The following CNTN5 variants were observed in gnomAD, a reference collection of about 807,000 sequenced individuals.
CNTN5 encodes the protein contactin-5.
A neutral mutation model predicts 129.1 loss-of-function variants in CNTN5; 77 were observed. That is an observed-to-expected ratio of 0.60 (90% confidence interval 0.50 to 0.72). CNTN5 has a LOEUF of 0.72. Ranked by LOEUF, CNTN5 falls within the 30% of genes least tolerant of loss-of-function variation. CNTN5 has a pLI of 0.00. For missense variants in CNTN5, 1,478 were observed against 1,328.8 expected (o/e 1.11, Z -1.75); for synonymous variants, 509 against 465.6 (o/e 1.09, Z -1.20).
intron 2 of CNTN5, among the ~76,000 whole-genome samples, chr11:99,532,532 T>A (rs1591231835): frequency 6.6e-6 from 1 of 152,246 alleles, no homozygotes; most frequent in East Asian, 1.9e-4. Context: ...TGGCCATGTC[T>A]CCACTCAAAT....
rs369490080 is a variant in CNTN5 at position 99,580,421 on chromosome 11, G to T, written c.55+24152G>T. Among the ~76,000 whole-genome samples the T allele has an allele frequency of 4.3e-4, 65 of 152,244 alleles. No homozygotes were observed. The East Asian group carries it at 6.8e-3, about 16-fold the overall frequency. ...GAAGGAATGGTACCAGCTCTTCCTT[G>T]TACCTCTGGTAGAATTTGACTGTGA... is the stretch of plus-strand genomic sequence containing the variant. On this transcript the variant is annotated intron_variant, in intron 3 of 24. Coordinates refer to ENST00000524871, the MANE Select transcript of CNTN5 (RefSeq NM_014361.4).
At chr11:100,316,520 C>T (rs1271513709) in intron 21 of CNTN5, among the ~76,000 whole-genome samples, 1 of 152,160 alleles carries the variant, frequency 6.6e-6, no homozygotes, top group Non-Finnish European at 1.5e-5. Flanking sequence ...GTGAATAAAT[C>T]TGTGCCAATG....
At chr11:99,694,551 G>A (rs1309684449) in intron 3 of CNTN5, among the ~76,000 whole-genome samples, 1 of 151,946 alleles carries the variant, frequency 6.6e-6, no homozygotes, top group Non-Finnish European at 1.5e-5. Context: ...TTAAGTTCTG[G>A]GACACATGTG....
intron 3 of CNTN5, among the ~76,000 whole-genome samples, chr11:99,609,433 C>T (rs1950530463): frequency 6.6e-6 from 1 of 152,098 alleles, no homozygotes; most frequent in African/African-American, 2.4e-5. Context: ...AAGACCCCAC[C>T]TGTCTAGGTT....
chr11:99,934,898 G>GTATATA (rs200635742), intron 7 of CNTN5, among the ~76,000 whole-genome samples: 3 of 67,956 alleles, frequency 4.4e-5, no homozygotes, highest in African/African-American at 3.0e-4. Flanking sequence ...GTGTGTGTGT[G>GTATATA]TATATATATA....
intron 23 of CNTN5, among the ~76,000 whole-genome samples, chr11:100,349,158 G>A (rs750691585): frequency 6.6e-6 from 1 of 151,860 alleles, no homozygotes; most frequent in Non-Finnish European, 1.5e-5. Context: ...AAAAAAGAAA[G>A]TGAAATGGAG....
chr11:99,061,991 CA>C (rs34784983), intron 1 of CNTN5, among the ~76,000 whole-genome samples: 62,693 of 142,596 alleles, frequency 0.44, 13,348 homozygotes, highest in Non-Finnish European at 0.49. Context: ...GATCCTGTCT[CA>C]AAAAAAAAAA....
chr11:100,284,344 A>G (rs906030236), intron 18 of CNTN5, among the ~76,000 whole-genome samples: 9 of 152,218 alleles, frequency 5.9e-5, no homozygotes, highest in African/African-American at 2.2e-4. Context: ...ACCATCTCCT[A>G]TATTTAAGCT....
chr11:99,555,464 C>G (rs755235877), intron 2 of CNTN5, among the ~76,000 whole-genome samples: 1 of 151,784 alleles, frequency 6.6e-6, no homozygotes, highest in East Asian at 1.9e-4. Context: ...AAAAAAGGAA[C>G]CAAATATATT....
At chr11:99,161,216 C>A (rs543884648) in intron 1 of CNTN5, among the ~76,000 whole-genome samples, 1 of 152,126 alleles carries the variant, frequency 6.6e-6, no homozygotes, top group East Asian at 1.9e-4. Flanking sequence ...TATAAAAAAT[C>A]TTGAAATATA....
rs543213768 is a variant in CNTN5 at position 99,257,015 on chromosome 11, G to A, written c.-209-68331G>A. Among the ~76,000 whole-genome samples, 5 of 152,168 alleles carry A rather than the reference G, an allele frequency of 3.3e-5. No individual in the cohort carries two copies. In the East Asian group the frequency reaches 9.7e-4, roughly 29 times the overall value. On this transcript the variant is annotated intron_variant, in intron 1 of 24. Transcript: ENST00000524871. ...AAAAATAATACTGATTAAGCTCTTT[G>A]CCCAAATCATTCAGATGCCAAATGA...
intron 9 of CNTN5, among the ~76,000 whole-genome samples, chr11:100,060,400 AATAAC>A (rs1243749499): frequency 6.6e-6 from 1 of 152,048 alleles, no homozygotes; most frequent in Non-Finnish European, 1.5e-5. Context: ...ATATTTAAAA[AATAAC>A]AAAACAGAAA....
At chr11:99,142,768 G>A (rs1165451932) in intron 1 of CNTN5, among the ~76,000 whole-genome samples, 1 of 152,172 alleles carries the variant, frequency 6.6e-6, no homozygotes, top group African/African-American at 2.4e-5. Context: ...ACAGGCTAGA[G>A]TCCTGTCCCT....
At chr11:99,303,051 C>T (rs1286943750) in intron 1 of CNTN5, among the ~76,000 whole-genome samples, 1 of 151,592 alleles carries the variant, frequency 6.6e-6, no homozygotes, top group Admixed American at 6.6e-5. Context: ...ATAAAACACA[C>T]AAAATTATAT....
chr11:99,205,464 C>T (rs968240590), intron 1 of CNTN5, among the ~76,000 whole-genome samples: 48 of 152,030 alleles, frequency 3.2e-4, no homozygotes, highest in African/African-American at 1.1e-3. Context: ...TTCGTTTCTT[C>T]CTCGGTTTTC....
At chr11:99,973,511 C>G (rs900609340) in intron 8 of CNTN5, among the ~76,000 whole-genome samples, 2 of 152,096 alleles carry the variant, frequency 1.3e-5, no homozygotes, top group African/African-American at 4.8e-5. Flanking sequence ...CTTGCATTGC[C>G]ATTCTTAATA....
intron 8 of CNTN5, among the ~76,000 whole-genome samples, chr11:99,982,460 G>A (rs1462833643): frequency 1.3e-5 from 2 of 152,068 alleles, no homozygotes; most frequent in East Asian, 1.9e-4. Context: ...GGTAGTGAAG[G>A]TTTTAATTAG....
At chr11:99,180,965 T>C (rs544083221) in intron 1 of CNTN5, among the ~76,000 whole-genome samples, 46 of 152,358 alleles carry the variant, frequency 3.0e-4, no homozygotes, top group African/African-American at 1.1e-3. Flanking sequence ...AGTACGCAGC[T>C]GAGCAAATTC....
intron 21 of CNTN5, among the ~76,000 whole-genome samples, chr11:100,316,313 C>T (rs1017475515): frequency 2.6e-5 from 4 of 152,092 alleles, no homozygotes; most frequent in Admixed American, 2.0e-4. Flanking sequence ...TATTCAGTAT[C>T]GGGCACTATG....
Sources: gnomAD v4.1 joint callset for allele counts (sites outside exome capture counted in the v4.1 genomes callset) on GRCh38, gnomAD v4.1.1 for gene constraint, MANE v1.5 for transcripts, NCBI Gene and HGNC (gene_info 2026-07-23, HGNC 2026-07-21) for gene names.